The following SCG5 variants were observed in gnomAD, a reference collection of about 807,000 sequenced individuals.
The protein encoded by SCG5 is secretogranin V.
A neutral mutation model predicts 25.7 loss-of-function variants in SCG5; 18 were observed. That is an observed-to-expected ratio of 0.70 (90% confidence interval 0.48 to 1.04). The LOEUF (loss-of-function observed/expected upper bound fraction) is 1.04. SCG5 is among the 50% of genes least tolerant of loss of function. The probability of loss-of-function intolerance (pLI) is 0.00; values close to 1 mark genes in which losing one functional copy is unlikely to be tolerated. For synonymous variants in SCG5, 101 were observed against 91.7 expected, an observed-to-expected ratio of 1.10 and a Z score of -0.58; for missense variants, 206 against 259.8, an observed-to-expected ratio of 0.79 and a Z score of 1.42.
intron 2 of SCG5, among the ~76,000 whole-genome samples, chr15:32,651,275 A>G (rs2054027626): frequency 6.6e-6 from 1 of 152,256 alleles, no homozygotes; most frequent in African/African-American, 2.4e-5. Context: ...ACTTAGAAAT[A>G]GAGACCCAAG....
At chr15:32,687,313 T>C (rs970976606) in intron 4 of SCG5, among the ~76,000 whole-genome samples, 1 of 152,334 alleles carries the variant, frequency 6.6e-6, no homozygotes, top group South Asian at 2.1e-4. Context: ...GTGTTTCCTA[T>C]TCTTTGTCCA....
chr15:32,654,164 T>C (rs1421488789), intron 2 of SCG5, among the ~76,000 whole-genome samples: 2 of 152,208 alleles, frequency 1.3e-5, no homozygotes, highest in African/African-American at 2.4e-5. Flanking sequence ...TCTGGTCTGT[T>C]CAGGCTGCTA....
intron 5 of SCG5, among the ~76,000 whole-genome samples, chr15:32,692,906 G>A (rs781115582): frequency 2.0e-5 from 3 of 152,100 alleles, no homozygotes; most frequent in Non-Finnish European, 4.4e-5. Context: ...AATTTTCTAC[G>A]CGAGAAGTAG....
chr15:32,659,372 C>G (rs1016651592), intron 2 of SCG5, among the ~76,000 whole-genome samples: 1 of 152,170 alleles, frequency 6.6e-6, no homozygotes, highest in Non-Finnish European at 1.5e-5. Flanking sequence ...ACACGGACTT[C>G]TCATGGCAAG....
chr15:32,656,151 T>C (rs994782337), intron 2 of SCG5: 2 of 152,262 alleles, frequency 1.3e-5, no homozygotes, highest in South Asian at 2.1e-4. Flanking sequence ...GACTCCTCTT[T>C]CCTTCAGTCT....
At chr15:32,686,459 A>G (rs569041598) in intron 4 of SCG5, among the ~76,000 whole-genome samples, 1 of 152,352 alleles carries the variant, frequency 6.6e-6, no homozygotes, top group South Asian at 2.1e-4. Flanking sequence ...TAGAATTGGT[A>G]TACGGAATAA....
chr15:32,693,875 C>T (rs1250953148), intron 5 of SCG5, among the ~76,000 whole-genome samples: 3 of 152,084 alleles, frequency 2.0e-5, no homozygotes, highest in East Asian at 1.9e-4. Flanking sequence ...TTTGGGAGGC[C>T]GAGGAGGGTG....
At chr15:32,647,307 G>GT (rs2053958419) in intron 2 of SCG5, among the ~76,000 whole-genome samples, 1 of 152,148 alleles carries the variant, frequency 6.6e-6, no homozygotes, top group African/African-American at 2.4e-5. Context: ...TGCAGGCAGA[G>GT]TTGTTCACTG....
intron 2 of SCG5, among the ~76,000 whole-genome samples, chr15:32,675,966 C>T (rs1357581703): frequency 6.6e-6 from 1 of 152,188 alleles, no homozygotes; most frequent in African/African-American, 2.4e-5. Context: ...GACCAAATGG[C>T]ATCCATAGCA....
chr15:32,642,076 T>C (rs918762731), intron 1 of SCG5, among the ~76,000 whole-genome samples: 4 of 152,040 alleles, frequency 2.6e-5, no homozygotes, highest in Admixed American at 2.0e-4. Context: ...TCCATCAGAA[T>C]TGCAGATTTT....
At chr15:32,689,158 C>G (rs2054793946) in intron 4 of SCG5, among the ~76,000 whole-genome samples, 1 of 152,040 alleles carries the variant, frequency 6.6e-6, no homozygotes, top group African/African-American at 2.4e-5. Flanking sequence ...AGTTGACATT[C>G]TATTCTAAGC....
intron 4 of SCG5, among the ~76,000 whole-genome samples, chr15:32,685,624 A>G (rs1430615838): frequency 6.6e-6 from 1 of 152,242 alleles, no homozygotes; most frequent in Non-Finnish European, 1.5e-5. Flanking sequence ...AAGAGATACC[A>G]TCAGATGACA....
At position 32,643,699 on chromosome 15, in the gene SCG5, CAG is replaced by C; in HGVS notation, c.109_110del (p.Glu37SerfsTer38). 6.2e-7 allele frequency: 1 copy of C among 1,613,920 alleles called. No individual in the cohort carries two copies. The highest frequency in any genetic ancestry group is 8.5e-7 in the Non-Finnish European group (1 of 1,179,872). ...AGCCCCCGGACCCCTGACCGGGTCT[CAG>C]AAGCAGATATCCAGAGGCTGCTTCA... is the stretch of plus-strand genomic sequence containing the variant. On this transcript the variant is annotated frameshift_variant, in exon 2 of 6. Coordinates refer to ENST00000300175, the MANE Select transcript of SCG5 (RefSeq NM_001144757.3). LOFTEE classifies it high-confidence loss of function.
intron 2 of SCG5, chr15:32,656,047 C>G (rs1472409121): frequency 2.0e-5 from 3 of 152,156 alleles, no homozygotes; most frequent in Non-Finnish European, 2.9e-5. Flanking sequence ...GGAGACAAAG[C>G]TAAGCACTGG....
chr15:32,677,812 T>C (rs2054555231), intron 2 of SCG5: 1 of 152,196 alleles, frequency 6.6e-6, no homozygotes, highest in Non-Finnish European at 1.5e-5. Context: ...ATGAGCCTTA[T>C]AGAATGTTAA....
chr15:32,686,165 G>A (rs1307068422), intron 4 of SCG5, among the ~76,000 whole-genome samples: 1 of 152,118 alleles, frequency 6.6e-6, no homozygotes, highest in Non-Finnish European at 1.5e-5. Context: ...AAACAGTTCT[G>A]TTTGGAAGAA....
chr15:32,693,824 G>T (rs1481303731), intron 5 of SCG5, among the ~76,000 whole-genome samples: 4 of 152,076 alleles, frequency 2.6e-5, no homozygotes, highest in Non-Finnish European at 4.4e-5. Context: ...TAAAGCCAAG[G>T]CTCAGCTAGG....
At chr15:32,692,074 G>T in intron 5 of SCG5, 1 of 1,205,792 alleles carries the variant, frequency 8.3e-7, no homozygotes, top group Non-Finnish European at 1.0e-6. Flanking sequence ...GGGACATGAG[G>T]GTCTGTCTGC....
chr15:32,686,765 A>G (rs988110750), intron 4 of SCG5, among the ~76,000 whole-genome samples: 16 of 152,216 alleles, frequency 1.1e-4, no homozygotes, highest in Admixed American at 7.8e-4. Context: ...CTCAGTATGC[A>G]GGAGTCATCA....
Sources: allele counts gnomAD v4.1 joint callset (sites outside exome capture counted in the v4.1 genomes callset), GRCh38; gene constraint gnomAD v4.1.1; transcripts MANE v1.5; gene names NCBI Gene and HGNC (gene_info 2026-07-23, HGNC 2026-07-21).